Variants in NRCAM observed in about 807,000 individuals in gnomAD.
NRCAM encodes neuronal cell adhesion molecule.
Under a neutral mutation model 156.5 loss-of-function variants are expected in NRCAM, and 83 were observed. The observed-to-expected ratio is 0.53, with a 90% CI of 0.44 to 0.64. The LOEUF is 0.64. Ranked by LOEUF, NRCAM falls within the 30% of genes least tolerant of loss-of-function variation. The pLI, the probability that NRCAM is intolerant of heterozygous loss-of-function variation, is 0.00. For missense variants in NRCAM, 1,417 were observed against 1,597.3 expected (o/e 0.89, Z 1.92); for synonymous variants, 538 against 563.9 (o/e 0.95, Z 0.65).
chr7:108,302,077 C>A (rs1032882257), intron 3 of NRCAM, among the ~76,000 whole-genome samples: 1 of 150,572 alleles, frequency 6.6e-6, no homozygotes, highest in Non-Finnish European at 1.5e-5. Flanking sequence ...CACAACAAAT[C>A]AACAACAGAA....
At chr7:108,168,023 T>TTTCA (rs2055873791) in intron 29 of NRCAM, among the ~76,000 whole-genome samples, 1 of 152,230 alleles carries the variant, frequency 6.6e-6, no homozygotes, top group Admixed American at 6.5e-5. Context: ...TAGTTTCAAG[T>TTTCA]ACTATGATAT....
chr7:108,155,323 T>C (rs1032511874), intron 32 of NRCAM, among the ~76,000 whole-genome samples: 5 of 151,758 alleles, frequency 3.3e-5, no homozygotes, highest in African/African-American at 1.2e-4. Flanking sequence ...AAATAAAATA[T>C]ATACATATTA....
chr7:108,432,914 AGAGAAAGAGAAAGAG>A (rs67452340), intron 1 of NRCAM, among the ~76,000 whole-genome samples: 32,489 of 150,462 alleles, frequency 0.22, 3,928 homozygotes, highest in East Asian at 0.39. Context: ...AGAGAGAGAA[AGAGAAAGAGAAAGAG>A]GAGAAAGAGA....
chr7:108,324,034 A>C (rs1465297011), intron 2 of NRCAM, among the ~76,000 whole-genome samples: 2 of 151,948 alleles, frequency 1.3e-5, no homozygotes, highest in African/African-American at 4.8e-5. Context: ...GTGGGAGATG[A>C]AGTAAGGGAT....
At chr7:108,170,263 A>G (rs1209322096) in intron 28 of NRCAM, among the ~76,000 whole-genome samples, 1 of 152,244 alleles carries the variant, frequency 6.6e-6, no homozygotes, top group African/African-American at 2.4e-5. Context: ...ATGAACCTGG[A>G]GGATACTATG....
intron 26 of NRCAM, among the ~76,000 whole-genome samples, chr7:108,177,528 G>C (rs983248105): frequency 5.3e-5 from 8 of 151,880 alleles, no homozygotes; most frequent in Non-Finnish European, 8.8e-5. Context: ...GAGGCTGACG[G>C]AGGAGAATGG....
At position 108,324,886 on chromosome 7, in the gene NRCAM, T is replaced by A. The variant is rs1277096652; in HGVS notation, c.-173-12155A>T. On this transcript the variant is annotated intron_variant, in intron 2 of 32. Transcript: ENST00000379028. ...AATATTTGGCACTGTACTTTTTTTT[T>A]TTTTTTTTTTTTTTTTTTTAGCTTT... Among the ~76,000 whole-genome samples, 7 of 141,862 alleles carry A rather than the reference T, an allele frequency of 4.9e-5. No homozygotes were observed. The East Asian group carries it at 1.2e-3, about 24-fold the overall frequency. 93.1% of individuals were successfully genotyped at this position (141,862 alleles called of 152,430 possible).
chr7:108,299,619 A>C (rs1358240354), intron 3 of NRCAM, among the ~76,000 whole-genome samples: 3 of 152,236 alleles, frequency 2.0e-5, no homozygotes, highest in African/African-American at 7.2e-5. Flanking sequence ...ATTTAGAGCC[A>C]CATGTGCAGT....
chr7:108,444,975 T>C (rs1312439292), intron 1 of NRCAM, among the ~76,000 whole-genome samples: 1 of 152,176 alleles, frequency 6.6e-6, no homozygotes, highest in Non-Finnish European at 1.5e-5. Context: ...CTCAACTGTA[T>C]ATACAAACCT....
chr7:108,259,922 G>A (rs1473031685), intron 3 of NRCAM, among the ~76,000 whole-genome samples: 2 of 152,166 alleles, frequency 1.3e-5, no homozygotes, highest in Non-Finnish European at 2.9e-5. Flanking sequence ...GTTGATAAGT[G>A]CAGCAAACCA....
intron 2 of NRCAM, among the ~76,000 whole-genome samples, chr7:108,352,378 A>C (rs943646842): frequency 2.0e-5 from 3 of 152,224 alleles, no homozygotes; most frequent in African/African-American, 7.2e-5. Context: ...TCAAAGAGCT[A>C]CTGAACAGTG....
intron 2 of NRCAM, among the ~76,000 whole-genome samples, chr7:108,375,827 T>C (rs890329219): frequency 6.6e-6 from 1 of 152,180 alleles, no homozygotes; most frequent in Non-Finnish European, 1.5e-5. Context: ...GTCCAGTCTC[T>C]TGTAGAGGAA....
intron 3 of NRCAM, among the ~76,000 whole-genome samples, chr7:108,262,448 A>G (rs1205933173): frequency 1.3e-5 from 2 of 152,096 alleles, no homozygotes; most frequent in East Asian, 3.9e-4. Context: ...CCTTTATACA[A>G]GGAGGACACA....
intron 7 of NRCAM, 81 bp downstream of exon 7, chr7:108,232,245 G>T: frequency 2.0e-6 from 2 of 1,022,986 alleles, no homozygotes; most frequent in Non-Finnish European, 2.9e-6. Context: ...TTGTTGAATA[G>T]TATTTGGATG....
intron 28 of NRCAM, among the ~76,000 whole-genome samples, chr7:108,173,846 T>C (rs2059460353): frequency 6.6e-6 from 1 of 152,180 alleles, no homozygotes; most frequent in African/African-American, 2.4e-5. Flanking sequence ...TAGAATTTAG[T>C]TTTAATTTAT....
intron 2 of NRCAM, among the ~76,000 whole-genome samples, chr7:108,380,517 C>A (rs1217604450): frequency 6.6e-6 from 1 of 152,128 alleles, no homozygotes; most frequent in Admixed American, 6.6e-5. Context: ...TAGATTTGAT[C>A]AAGCTTATTT....
chr7:108,441,400 G>C, intron 1 of NRCAM, among the ~76,000 whole-genome samples: 1 of 152,118 alleles, frequency 6.6e-6, no homozygotes, highest in Non-Finnish European at 1.5e-5. Context: ...ATTAGTCAAG[G>C]ATGCAATTAC....
At chr7:108,165,061 T>G (rs1169611148) in intron 30 of NRCAM, among the ~76,000 whole-genome samples, 1 of 152,218 alleles carries the variant, frequency 6.6e-6, no homozygotes, top group African/African-American at 2.4e-5. Flanking sequence ...TTCTAACAAT[T>G]TTAACAACAG....
intron 1 of NRCAM, among the ~76,000 whole-genome samples, chr7:108,442,195 G>A (rs900098989): frequency 6.6e-6 from 1 of 152,186 alleles, no homozygotes; most frequent in Admixed American, 6.5e-5. Flanking sequence ...TATGATCACA[G>A]GATGTGATGT....
Sources: allele counts gnomAD v4.1 joint callset (sites outside exome capture counted in the v4.1 genomes callset), GRCh38; gene constraint gnomAD v4.1.1; transcripts MANE v1.5; gene names NCBI Gene and HGNC (gene_info 2026-07-23, HGNC 2026-07-21).